CHMP3: variants seen among roughly 807,000 people sequenced by gnomAD.
CHMP3 encodes the protein 25.1 protein.
Under a neutral mutation model 27.4 loss-of-function variants are expected in CHMP3, and 8 were observed. The observed-to-expected ratio is 0.29, with a 90% confidence interval of 0.17 to 0.53. The LOEUF (loss-of-function observed/expected upper bound fraction) is 0.53, where lower values mean the gene tolerates loss of function less well. CHMP3 is among the 20% of genes least tolerant of loss of function. CHMP3 has a pLI of 0.96. For synonymous variants in CHMP3, 86 were observed against 85.5 expected (o/e 1.01, Z -0.03); for missense variants, 208 against 271.5 (o/e 0.77, Z 1.64).
chr2:86,524,021 G>GAA (rs1197662859), intron 3 of CHMP3, among the ~76,000 whole-genome samples: 6 of 152,076 alleles, frequency 3.9e-5, no homozygotes, highest in Admixed American at 3.9e-4. Context: ...ATAATATTTA[G>GAA]AACCTATATA....
intron 2 of CHMP3, among the ~76,000 whole-genome samples, chr2:86,538,910 T>C (rs937396710): frequency 2.0e-5 from 3 of 152,222 alleles, no homozygotes; most frequent in Non-Finnish European, 2.9e-5. Context: ...TACAGCTATA[T>C]ACATTTTCAC....
intron 1 of CHMP3, among the ~76,000 whole-genome samples, chr2:86,549,979 G>A (rs1045459525): frequency 1.3e-5 from 2 of 152,186 alleles, no homozygotes; most frequent in African/African-American, 4.8e-5. Context: ...ACGGGGTGGC[G>A]GCCGGGCAGA....
At chr2:86,546,303 T>G (rs908584746) in intron 1 of CHMP3, among the ~76,000 whole-genome samples, 12 of 123,138 alleles carry the variant, frequency 9.7e-5, no homozygotes, top group Admixed American at 2.1e-4. Flanking sequence ...GCAGGGAGGT[T>G]GCAGCGAGCT....
chr2:86,562,322 C>T (rs1573317290), intron 1 of CHMP3: 1 of 151,888 alleles, frequency 6.6e-6, no homozygotes, highest in East Asian at 1.9e-4. Context: ...CAGAGCAGTG[C>T]TTCTCAAAGC....
At chr2:86,528,142 T>C (rs781280009) in intron 3 of CHMP3, among the ~76,000 whole-genome samples, 7 of 152,058 alleles carry the variant, frequency 4.6e-5, no homozygotes, top group Non-Finnish European at 1.0e-4. Context: ...CACATTCGAA[T>C]GTTAAAATTG....
At chr2:86,548,274 A>G (rs530474485) in intron 1 of CHMP3, among the ~76,000 whole-genome samples, 52 of 151,286 alleles carry the variant, frequency 3.4e-4, no homozygotes, top group African/African-American at 1.2e-3. Context: ...TAGTGGAGAG[A>G]AGGTCAGCAG....
At chr2:86,526,399 T>TGCTGGAA (rs1675711801) in intron 3 of CHMP3, among the ~76,000 whole-genome samples, 3 of 152,040 alleles carry the variant, frequency 2.0e-5, no homozygotes, top group Admixed American at 2.0e-4. Flanking sequence ...GGTGAAAAGG[T>TGCTGGAA]ATGGAAAAAA....
chr2:86,504,181 T>C lies in CHMP3; in HGVS notation c.*1623A>G, dbSNP rs1014023157. 4 of 152,190 alleles carry C rather than the reference T, an allele frequency of 2.6e-5. No homozygotes were observed. The highest frequency in any genetic ancestry group is 7.2e-5 in the African/African-American group (3 of 41,434). 9.4% of individuals were successfully genotyped at this position (152,190 alleles called of 1,614,324 possible). Reference sequence around the variant, plus strand: ...CTGTATGATTCTATAATTGTAGATATCATCATACATTTGTCTAAGCCCATA... The same window carrying C: ...CTGTATGATTCTATAATTGTAGATACCATCATACATTTGTCTAAGCCCATA... On this transcript the variant is annotated 3_prime_UTR_variant, in exon 6 of 6. Transcript: ENST00000263856.
chr2:86,531,719 C>T (rs1313118763), intron 2 of CHMP3, among the ~76,000 whole-genome samples: 1 of 152,188 alleles, frequency 6.6e-6, no homozygotes, highest in African/African-American at 2.4e-5. Context: ...TTGCTGAAAA[C>T]TGTCCTTTCC....
chr2:86,550,409 GGAGAAA>G (rs1420057311), intron 1 of CHMP3, among the ~76,000 whole-genome samples: 1 of 136,212 alleles, frequency 7.3e-6, no homozygotes, highest in African/African-American at 3.5e-5. Flanking sequence ...AGGGGGAGAG[GGAGAAA>G]GGGAGAGGGA....
At position 86,545,723 on chromosome 2, in the gene CHMP3, C is replaced by T. The variant is rs527579857; in HGVS notation, c.46-3411G>A. Among the ~76,000 whole-genome samples, 4 of 149,412 alleles carry T rather than the reference C, an allele frequency of 2.7e-5. No individual in the cohort carries two copies. In the South Asian group the frequency reaches 8.5e-4, roughly 32 times the overall value. ...GGCCAGGCAGAGGTGCTCCTCACATCCCAGATGGGGCGGCTGGGCAGAGGC... is the reference window on the plus strand; with the variant it reads ...GGCCAGGCAGAGGTGCTCCTCACATTCCAGATGGGGCGGCTGGGCAGAGGC... On this transcript the variant is annotated intron_variant, in intron 1 of 5. Transcript: ENST00000263856.
chr2:86,542,397 A>G, intron 1 of CHMP3, 85 bp from the exon 2 acceptor site: 1 of 1,280,664 alleles, frequency 7.8e-7, no homozygotes. Flanking sequence ...TTAACTCCAC[A>G]TTTATTACAG....
In CHMP3 at chr2:86,542,298, T is replaced by C. The variant is rs750207565; in HGVS notation, c.60A>G (p.Ser20=). Residue 20 remains serine (S), a synonymous_variant, in exon 2 of 6, where the codon TCA becomes TCG. Coordinates refer to ENST00000263856, the MANE Select transcript of CHMP3 (RefSeq NM_016079.4). ...CTCTCATTTCCTTTCTTATCTTCAA[T>C]GACCACTCATTGACCTGGGAAAATT... ...KPPKELVNEW[S]LKIRKEMRVV... 3.1e-6 allele frequency: 5 copies of C among 1,613,454 alleles called. No individual in the cohort carries two copies. Among genetic ancestry groups the C allele is most frequent in the Non-Finnish European group, 4.2e-6 (5 of 1,179,634 alleles).
At chr2:86,520,347 C>G (rs1442598058) in intron 3 of CHMP3, among the ~76,000 whole-genome samples, 1 of 152,092 alleles carries the variant, frequency 6.6e-6, no homozygotes, top group Non-Finnish European at 1.5e-5. Flanking sequence ...AAAGGGGAAG[C>G]AGGCACATCT....
chr2:86,516,181 T>C (rs918926554), intron 3 of CHMP3, among the ~76,000 whole-genome samples: 2 of 148,388 alleles, frequency 1.3e-5, no homozygotes, highest in East Asian at 3.9e-4. Context: ...AAAATTTATA[T>C]GGCAAAAAGT....
intron 2 of CHMP3, among the ~76,000 whole-genome samples, chr2:86,530,152 C>T (rs1675862574): frequency 6.6e-6 from 1 of 152,148 alleles, no homozygotes; most frequent in Admixed American, 6.5e-5. Flanking sequence ...ACCACGATGC[C>T]TGGCTAATTT....
chr2:86,557,249 G>T (rs1353590787), intron 1 of CHMP3, among the ~76,000 whole-genome samples: 2 of 152,152 alleles, frequency 1.3e-5, no homozygotes, highest in East Asian at 3.9e-4. Context: ...GACTGGGGTA[G>T]GGTTAAACAG....
chr2:86,543,561 CTT>C (rs975222361), intron 1 of CHMP3, among the ~76,000 whole-genome samples: 5 of 152,378 alleles, frequency 3.3e-5, no homozygotes, highest in Non-Finnish European at 5.9e-5. Flanking sequence ...TGGCATCACT[CTT>C]GTTATTGACC....
At chr2:86,523,912 T>G (rs1277240594) in intron 3 of CHMP3, among the ~76,000 whole-genome samples, 3 of 152,044 alleles carry the variant, frequency 2.0e-5, no homozygotes, top group African/African-American at 7.2e-5. Context: ...AAGGTTAAGA[T>G]AGCCAAAATA....
Sources: allele counts gnomAD v4.1 joint callset (sites outside exome capture counted in the v4.1 genomes callset), GRCh38; gene constraint gnomAD v4.1.1; transcripts MANE v1.5; gene names NCBI Gene and HGNC (gene_info 2026-07-23, HGNC 2026-07-21).